Variants in LY75 observed in about 807,000 individuals in gnomAD.
LY75 encodes the protein lymphocyte antigen 75.
LY75 carries 185 observed loss-of-function variants against 231.7 expected under a neutral mutation model. The ratio of observed to expected loss-of-function variants is 0.80; its 90% confidence interval spans 0.71 to 0.90. The LOEUF is 0.90. Among genes scored for constraint, LY75 ranks in the 40% least tolerant of loss-of-function variants. The pLI, the probability that LY75 is intolerant of heterozygous loss-of-function variation, is 0.00. For missense variants in LY75, 1,947 were observed against 2,050.2 expected (o/e 0.95, Z 0.97); for synonymous variants, 668 against 689.0 (o/e 0.97, Z 0.48).
rs772191043 is a variant in LY75, at chr2:159,858,437, C to T, written c.2308G>A (p.Asp770Asn). ...RPWRRGWHFY[D>N]DREFIYLRPF... Reference sequence around the variant, plus strand: ...CTCAAATAAATAAATTCTCTATCATCATAGAAATGCCAGCCTCTTCGCCAT... The same window carrying T: ...CTCAAATAAATAAATTCTCTATCATTATAGAAATGCCAGCCTCTTCGCCAT... The change falls in exon 16 of 35, where the codon GAT becomes AAT. Residue 770 changes from aspartate to asparagine, a missense_variant. Coordinates refer to ENST00000263636, the MANE Select transcript of LY75 (RefSeq NM_002349.4). 5 of 1,613,362 alleles carry T rather than the reference C, an allele frequency of 3.1e-6. No individual in the cohort carries two copies. The highest frequency in any genetic ancestry group is 1.7e-5 in the Admixed American group (1 of 59,940).
intron 4 of LY75, among the ~76,000 whole-genome samples, chr2:159,887,526 C>T (rs533548622): frequency 1.8e-4 from 27 of 146,666 alleles, no homozygotes; most frequent in South Asian, 1.5e-3. Context: ...CCACTGCACT[C>T]CATCCTAGGT....
intron 19 of LY75, 105 bp from the exon 20 acceptor site, chr2:159,853,457 T>C: frequency 6.7e-7 from 1 of 1,481,918 alleles, no homozygotes; most frequent in Non-Finnish European, 9.2e-7. Context: ...TTAATACCAT[T>C]ACTCTATACC....
chr2:159,810,792 TCATAC>T, intron 31 of LY75, 117 bp from the exon 32 acceptor site: 1 of 1,452,298 alleles, frequency 6.9e-7, no homozygotes, highest in Non-Finnish European at 9.2e-7. Flanking sequence ...AGCATTTAAC[TCATAC>T]CAGAGAAAGC....
rs762297505 is a variant in LY75, at chr2:159,886,526, T to C, written c.807A>G (p.Lys269=). ...SAAELTYLKE[K]EGIAKIFWIG... Reference sequence around the variant, plus strand: ...TCCAGAAAATCTTAGCAATGCCTTCTTTTTCTGTAAGAATTAAAAAATTTT... The same window carrying C: ...TCCAGAAAATCTTAGCAATGCCTTCCTTTTCTGTAAGAATTAAAAAATTTT... Residue 269 remains lysine, a synonymous_variant, in exon 5 of 35, where the codon AAA becomes AAG. Coordinates refer to ENST00000263636, the MANE Select transcript of LY75 (RefSeq NM_002349.4). 1 of 1,597,496 alleles carries C rather than the reference T, an allele frequency of 6.3e-7. No homozygotes were observed. The highest frequency in any genetic ancestry group is 1.7e-5 in the Admixed American group (1 of 57,304).
chr2:159,819,711 T>A lies in LY75; in HGVS notation c.4153+15A>T. The A allele has an allele frequency of 6.3e-7, 1 of 1,585,028 alleles. No individual in the cohort carries two copies. The highest frequency in any genetic ancestry group is 8.5e-7 in the Non-Finnish European group (1 of 1,170,532). On this transcript the variant is annotated intron_variant, in intron 29 of 34. Transcript: ENST00000263636. ...CCCTGGAGTGAAAGAAAACTCTATA[T>A]TTTACTATACTTACCCATTTCAATT...
rs1194426017 is a variant in LY75, at chr2:159,879,248, A to AT, written c.1515+10dup. The stretch of plus-strand genomic sequence containing the variant: ...ACTGCTTGAGAAAATTTACATAGGG[A>AT]TTTTACCTACCTCATCTGGAGGACA... On this transcript the variant is annotated intron_variant, in intron 9 of 34. Coordinates refer to ENST00000263636, the MANE Select transcript of LY75 (RefSeq NM_002349.4). 1.2e-6 allele frequency: 2 copies of AT among 1,607,030 alleles called. No homozygotes were observed. The highest frequency in any genetic ancestry group is 1.1e-5 in the South Asian group (1 of 89,154).
chr2:159,834,141 C>G lies in LY75; in HGVS notation c.3744G>C (p.Trp1248Cys). Residue 1248 changes from tryptophan to cysteine, a missense_variant, in exon 27 of 35, where the codon TGG (tryptophan) becomes TGC (cysteine). Transcript: ENST00000263636. Reference sequence around the variant, plus strand: ...TGTAGCAACAGTTCTGAAATGGTATCCACGGAGTATTTAGAACAGGAGATG... The same window carrying G: ...TGTAGCAACAGTTCTGAAATGGTATGCACGGAGTATTTAGAACAGGAGATG... The part of the protein sequence containing the change: ...KCPSPVLNTP[W>C]IPFQNCCYNF... 1 of 1,613,986 alleles carries G rather than the reference C, an allele frequency of 6.2e-7. No homozygotes were observed. The highest frequency in any genetic ancestry group is 8.5e-7 in the Non-Finnish European group (1 of 1,179,960).
chr2:159,867,670 T>C (rs1684896896), intron 13 of LY75, among the ~76,000 whole-genome samples: 1 of 152,202 alleles, frequency 6.6e-6, no homozygotes, highest in African/African-American at 2.4e-5. Flanking sequence ...TAAATACTAT[T>C]TGATGAGGGT....
At chr2:159,848,093 T>TAGACACACACACACACACACACACACAC in intron 23 of LY75, among the ~76,000 whole-genome samples, 2 of 28,548 alleles carry the variant, frequency 7.0e-5, no homozygotes, top group Non-Finnish European at 1.6e-4. Flanking sequence ...TATATATATA[T>TAGACACACACACACACACACACACACAC]ACACACACAC....
intron 28 of LY75, among the ~76,000 whole-genome samples, chr2:159,825,326 A>G (rs1380273061): frequency 6.6e-6 from 1 of 152,212 alleles, no homozygotes; most frequent in African/African-American, 2.4e-5. Flanking sequence ...AATACTATAA[A>G]CACCTCTATG....
Position 159,807,269 on chromosome 2 carries a change from A to C in LY75, c.4823-129T>G, listed in dbSNP as rs146610977. ...GCCACTTGTTAAAATAAAATGCATT[A>C]AAAATGAAAAAAATAAAATCAGTTC... On this transcript the variant is annotated intron_variant, in intron 33 of 34. Coordinates refer to ENST00000263636, the MANE Select transcript of LY75 (RefSeq NM_002349.4). 5.5e-6 allele frequency: 6 copies of C among 1,099,354 alleles called. No individual in the cohort carries two copies. In the Admixed American group the frequency reaches 9.4e-5, roughly 17 times the overall value. The allele number at this position is 1,099,354 out of a possible 1,614,324, so 68.1% of individuals were successfully genotyped here.
At chr2:159,856,699 G>C (rs1473421440) in intron 16 of LY75, among the ~76,000 whole-genome samples, 1 of 151,958 alleles carries the variant, frequency 6.6e-6, no homozygotes, top group Non-Finnish European at 1.5e-5. Context: ...TTCTGCATGG[G>C]GATAATGGAG....
At chr2:159,880,990 C>A in intron 8 of LY75, 93 bp downstream of exon 8, 2 of 1,464,844 alleles carry the variant, frequency 1.4e-6, no homozygotes, top group Non-Finnish European at 1.8e-6. Flanking sequence ...TTTTATTTTC[C>A]AGCTTATACG....
chr2:159,805,252 G>A (rs781706647), intron 34 of LY75, 30 bp from the exon 35 acceptor site: 2 of 1,565,036 alleles, frequency 1.3e-6, no homozygotes, highest in South Asian at 2.2e-5. Context: ...GATGTTGGAG[G>A]AGAGAATACA....
intron 13 of LY75, among the ~76,000 whole-genome samples, chr2:159,871,117 T>G (rs1486142974): frequency 6.6e-6 from 1 of 152,172 alleles, no homozygotes; most frequent in African/African-American, 2.4e-5. Context: ...GGCTATTAAT[T>G]TGAGCTATTC....
intron 28 of LY75, among the ~76,000 whole-genome samples, chr2:159,830,728 C>A (rs961474923): frequency 3.3e-5 from 5 of 151,920 alleles, no homozygotes; most frequent in African/African-American, 1.2e-4. Flanking sequence ...TAACTAGGCA[C>A]ACGTCACCAT....
chr2:159,870,906 A>G (rs1308763594), intron 13 of LY75, among the ~76,000 whole-genome samples: 1 of 152,070 alleles, frequency 6.6e-6, no homozygotes, highest in Non-Finnish European at 1.5e-5. Flanking sequence ...TGTAAATAGT[A>G]TATTTTTTAC....
chr2:159,856,524 A>C (rs986102565), intron 16 of LY75, among the ~76,000 whole-genome samples: 7 of 152,214 alleles, frequency 4.6e-5, no homozygotes, highest in African/African-American at 1.7e-4. Context: ...CTAATAACCA[A>C]GAAAATATCC....
At position 159,890,287 on chromosome 2, in the gene LY75, G is replaced by A. The variant is rs751277335; in HGVS notation, c.728C>T (p.Ala243Val). Residue 243 changes from alanine (A) to valine (V), a missense_variant, in exon 4 of 35, where the codon GCT (alanine) becomes GTT (valine). By Grantham distance (64) the Ala-to-Val change is moderately conservative. Transcript: ENST00000263636. The stretch of plus-strand genomic sequence containing the variant: ...TCCTTGATTCTGACATGAAACATAA[G>A]CTTCTTTCCAAGAAAGAGCCGTCTG... The part of the protein sequence containing the change: ...NTQTALSWKE[A>V]YVSCQNQGAD... 28 of 1,613,382 alleles carry A rather than the reference G, an allele frequency of 1.7e-5. No homozygotes were observed. The highest frequency in any genetic ancestry group is 2.3e-5 in the Non-Finnish European group (27 of 1,179,700).
Sources: allele counts gnomAD v4.1 joint callset (sites outside exome capture counted in the v4.1 genomes callset), GRCh38; gene constraint gnomAD v4.1.1; transcripts MANE v1.5; gene names NCBI Gene and HGNC (gene_info 2026-07-23, HGNC 2026-07-21).